Variants in LINGO4 observed in about 807,000 individuals in gnomAD.
LINGO4 encodes the protein leucine-rich repeat and immunoglobulin-like domain-containing nogo receptor-interacting protein 4.
A neutral mutation model predicts 27.9 loss-of-function variants in LINGO4; 22 were observed. The observed-to-expected ratio is 0.79, with a 90% CI of 0.56 to 1.13. The LOEUF (loss-of-function observed/expected upper bound fraction) is 1.13, where lower values mean the gene tolerates loss of function less well. Ranked by LOEUF, LINGO4 falls within the 50% of genes most tolerant of loss-of-function variation. LINGO4 has a pLI of 0.00. For missense variants in LINGO4, 706 were observed against 739.4 expected, an observed-to-expected ratio of 0.95 and a Z score of 0.52; for synonymous variants, 306 against 325.8, an observed-to-expected ratio of 0.94 and a Z score of 0.65.
chr1:151,804,963 C>G (rs1052823444), intron 1 of LINGO4, among the ~76,000 whole-genome samples: 3 of 152,180 alleles, frequency 2.0e-5, no homozygotes, highest in Non-Finnish European at 4.4e-5. Flanking sequence ...AAGATCCACA[C>G]CGATTGTGGA....
At position 151,802,208 on chromosome 1, in the gene LINGO4, T is replaced by C. The variant is rs376439152; in HGVS notation, c.497A>G (p.Asn166Ser). 1.7e-5 allele frequency: 27 copies of C among 1,613,956 alleles called. No individual in the cohort carries two copies. The African/African-American group carries it at 3.2e-4, about 19-fold the overall frequency. The change falls in exon 2 of 2, where the codon AAC (asparagine) becomes AGC (serine). Residue 166 changes from asparagine to serine, a missense_variant. Coordinates refer to ENST00000368820, the MANE Select transcript of LINGO4 (RefSeq NM_001004432.4). ...GSLQKLEVGD[N>S]HLVFVAPGAF... ...CCCCGGAGCCACAAATACCAGGTGG[T>C]TGTCCCCAACCTCCAGCTTCTGGAG...
Position 151,802,713 on chromosome 1 carries a change from C to T in LINGO4, c.-9G>A, listed in dbSNP as rs1651190349. Reference sequence around the variant, plus strand: ...GCTGTGGCTGCATCCATTCCCTCTTCAGTCCTGGAATAGATGATGACATGG... The same window carrying T: ...GCTGTGGCTGCATCCATTCCCTCTTTAGTCCTGGAATAGATGATGACATGG... On this transcript the variant is annotated 5_prime_UTR_variant, in exon 2 of 2. Coordinates refer to ENST00000368820, the MANE Select transcript of LINGO4 (RefSeq NM_001004432.4). 12 of 1,487,858 alleles carry T rather than the reference C, an allele frequency of 8.1e-6. No individual in the cohort carries two copies. Among genetic ancestry groups the T allele is most frequent in the Non-Finnish European group, 1.1e-5 (12 of 1,122,784 alleles). 92.2% of individuals were successfully genotyped at this position (1,487,858 alleles called of 1,614,324 possible).
Position 151,805,374 on chromosome 1 carries a change from CGCT to C in LINGO4, c.-161_-159del, listed in dbSNP as rs907574552. ...GCCTGGCTGCCCGGCTGCTGCCTGC[CGCT>C]GCTGCTGCTGCTGTTGCTGCTGCGG... is the stretch of plus-strand genomic sequence containing the variant. On this transcript the variant is annotated 5_prime_UTR_variant, in exon 1 of 2. Coordinates refer to ENST00000368820, the MANE Select transcript of LINGO4 (RefSeq NM_001004432.4). The C allele has an allele frequency of 1.6e-3, 317 of 193,398 alleles. No homozygotes were observed. The highest frequency in any genetic ancestry group is 3.9e-3 in the Middle Eastern group (3 of 772). The allele number at this position is 193,398 out of a possible 1,614,324, so 12.0% of individuals were successfully genotyped here.
At position 151,801,840 on chromosome 1, in the gene LINGO4, A is replaced by G. The variant is rs1287342363; in HGVS notation, c.865T>C (p.Ser289Pro). Reference protein sequence around the residue: ...RVLDLSQNPISAIPARRLSPL... With the variant: ...RVLDLSQNPIPAIPARRLSPL... ...CTGAGCCTTCGGGCTGGGATGGCTGAGATGGGATTCTGGGACAGATCCAGG... is the reference window on the plus strand; with the variant it reads ...CTGAGCCTTCGGGCTGGGATGGCTGGGATGGGATTCTGGGACAGATCCAGG... Residue 289 changes from serine to proline, a missense_variant, in exon 2 of 2, where the codon TCA becomes CCA. Transcript: ENST00000368820. The surrounding 1 kb of genome is among the most constrained non-coding windows in gnomAD (Gnocchi z 5.7). 2.5e-6 allele frequency: 4 copies of G among 1,614,202 alleles called. No homozygotes were observed. Among genetic ancestry groups the G allele is most frequent in the Non-Finnish European group, 3.4e-6 (4 of 1,180,032 alleles).
Position 151,802,048 on chromosome 1 carries a change from C to A in LINGO4, c.657G>T (p.Leu219=), listed in dbSNP as rs757851637. The A allele has an allele frequency of 3.1e-6, 5 of 1,614,036 alleles. No homozygotes were observed. Among genetic ancestry groups the A allele is most frequent in the Admixed American group, 1.7e-5 (1 of 60,018 alleles). The stretch of plus-strand genomic sequence containing the variant: ...CCAGCCCCCGCAGGGCCCCAGCTGG[C>A]AGCCTCCCAATATCCAGTTCTCTAA... ...LRLRELDIGR[L]PAGALRGLGQ... is the part of the protein sequence containing the mutation. The change falls in exon 2 of 2, where the codon CTG becomes CTT. Residue 219 remains leucine, a synonymous_variant. Coordinates refer to ENST00000368820, the MANE Select transcript of LINGO4 (RefSeq NM_001004432.4).
chr1:151,803,573 C>T (rs144581354), intron 1 of LINGO4, among the ~76,000 whole-genome samples: 2 of 152,372 alleles, frequency 1.3e-5, no homozygotes, highest in Non-Finnish European at 2.9e-5. Context: ...GGGCTTCCCT[C>T]ATATCCCTCC....
chr1:151,804,571 T>C (rs1651234764), intron 1 of LINGO4, among the ~76,000 whole-genome samples: 1 of 152,238 alleles, frequency 6.6e-6, no homozygotes, highest in South Asian at 2.1e-4. Flanking sequence ...CCCAGCTTTC[T>C]TCCTTCCTGC....
chr1:151,801,902 G>T lies in LINGO4; in HGVS notation c.803C>A (p.Pro268His). 6.2e-7 allele frequency: 1 copy of T among 1,614,228 alleles called. No homozygotes were observed. The highest frequency in any genetic ancestry group is 8.5e-7 in the Non-Finnish European group (1 of 1,180,034). The change falls in exon 2 of 2, where the codon CCC becomes CAC. Residue 268 changes from proline (P) to histidine (H), a missense_variant. Pro to His is a moderately conservative substitution (Grantham distance 77). Transcript: ENST00000368820. The surrounding 1 kb of genome is among the most constrained non-coding windows in gnomAD (Gnocchi z 5.7). ...AITRCNLSSV[P>H]FQALYHLSFL... ...GCTGAGGTGGTACAGTGCTTGGAAG[G>T]GCACCGAGCTCAGATTGCAGCGAGT...
In LINGO4 at chr1:151,801,555, C is replaced by A. The variant is rs756200696; in HGVS notation, c.1150G>T (p.Ala384Ser). The change falls in exon 2 of 2, where the codon GCC becomes TCC. Residue 384 changes from alanine to serine, a missense_variant. Ala to Ser is a moderately conservative substitution (Grantham distance 99). Coordinates refer to ENST00000368820, the MANE Select transcript of LINGO4 (RefSeq NM_001004432.4). This position sits in a 1 kb window ranked among gnomAD's most constrained non-coding sequence, Gnocchi z 5.7. ...TGGACATGATGGGGGCCAGCACAGG[C>A]AGGGGGGGACATGCCAAAGTCCAGG... ...RHLDFGMSPP[A>S]CAGPHHVQGK... 3 of 1,613,750 alleles carry A rather than the reference C, an allele frequency of 1.9e-6. No homozygotes were observed. Among genetic ancestry groups the A allele is most frequent in the Non-Finnish European group, 2.5e-6 (3 of 1,179,986 alleles).
Position 151,800,676 on chromosome 1 carries a change from A to G in LINGO4, c.*247T>C, listed in dbSNP as rs1521180. 1 allele frequency: 485,523 copies of G among 487,430 alleles called. 241,844 individuals are homozygous for G. The highest frequency in any genetic ancestry group is 1 in the East Asian group (31,097 of 31,098). 30.2% of individuals were successfully genotyped at this position (487,430 alleles called of 1,614,324 possible). A position where few individuals can be genotyped will look rare whatever the true frequency, so the allele number is the denominator to read the frequency against. On this transcript the variant is annotated 3_prime_UTR_variant, in exon 2 of 2. Coordinates refer to ENST00000368820, the MANE Select transcript of LINGO4 (RefSeq NM_001004432.4). Reference sequence around the variant, plus strand: ...GTTTTGTGTGTGGAGGGGGTGAAGCAGGGGCTGGACTAACGACGGGGTCTG... The same window carrying G: ...GTTTTGTGTGTGGAGGGGGTGAAGCGGGGGCTGGACTAACGACGGGGTCTG...
intron 1 of LINGO4, among the ~76,000 whole-genome samples, chr1:151,803,231 C>G (rs1272741388): frequency 6.6e-6 from 1 of 152,208 alleles, no homozygotes; most frequent in Admixed American, 6.5e-5. Flanking sequence ...AGTTCCCTGT[C>G]CTGACTGGAG....
chr1:151,801,102 C>A lies in LINGO4; in HGVS notation c.1603G>T (p.Val535Leu). 6.2e-7 allele frequency: 1 copy of A among 1,614,216 alleles called. No individual in the cohort carries two copies. Among genetic ancestry groups the A allele is most frequent in the Non-Finnish European group, 8.5e-7 (1 of 1,180,040 alleles). The change falls in exon 2 of 2, where the codon GTG becomes TTG. Residue 535 changes from valine (V) to leucine (L), a missense_variant. Val to Leu is a conservative substitution (Grantham distance 32). Coordinates refer to ENST00000368820, the MANE Select transcript of LINGO4 (RefSeq NM_001004432.4). This position sits in a 1 kb window ranked among gnomAD's most constrained non-coding sequence, Gnocchi z 5.7. ...FFLDSRGVAM[V>L]LAVGFLPFLT... ...AAGGGGAGGAAGCCGACTGCCAGCA[C>A]CATGGCCACACCTCTGCTATCCAGA...
chr1:151,803,838 G>A (rs191590210), intron 1 of LINGO4, among the ~76,000 whole-genome samples: 19 of 152,258 alleles, frequency 1.2e-4, no homozygotes, highest in East Asian at 1.2e-3. Flanking sequence ...ACCAGGTTCC[G>A]GGAACCCTCA....
In LINGO4 at chr1:151,802,070, C is replaced by G. The variant is rs1029039301; in HGVS notation, c.635G>C (p.Arg212Thr). 1.9e-6 allele frequency: 3 copies of G among 1,614,004 alleles called. No homozygotes were observed. Among genetic ancestry groups the G allele is most frequent in the Non-Finnish European group, 1.7e-6 (2 of 1,180,032 alleles). The part of the protein sequence containing the change: ...RLPALVALRL[R>T]ELDIGRLPAG... Reference sequence around the variant, plus strand: ...TGGCAGCCTCCCAATATCCAGTTCTCTAAGCCTTAGGGCCACTAGTGCCGG... The same window carrying G: ...TGGCAGCCTCCCAATATCCAGTTCTGTAAGCCTTAGGGCCACTAGTGCCGG... The change falls in exon 2 of 2, where the codon AGA (arginine) becomes ACA (threonine). Residue 212 changes from arginine to threonine, a missense_variant. Transcript: ENST00000368820.
Position 151,801,878 on chromosome 1 carries a change from C to A in LINGO4, c.827G>T (p.Ser276Ile), listed in dbSNP as rs376210931. The A allele has an allele frequency of 1.2e-6, 2 of 1,614,092 alleles. No individual in the cohort carries two copies. The highest frequency in any genetic ancestry group is 2.7e-5 in the African/African-American group (2 of 74,936). Residue 276 changes from serine (S) to isoleucine (I), a missense_variant, in exon 2 of 2, where the codon AGC becomes ATC. Physicochemically the swap from Ser to Ile is moderately radical, Grantham distance 142. Transcript: ENST00000368820. The surrounding 1 kb of genome is among the most constrained non-coding windows in gnomAD (Gnocchi z 5.7). Reference sequence around the variant, plus strand: ...GGACAGATCCAGGACCCTGAGGAAGCTGAGGTGGTACAGTGCTTGGAAGGG... The same window carrying A: ...GGACAGATCCAGGACCCTGAGGAAGATGAGGTGGTACAGTGCTTGGAAGGG... ...SVPFQALYHL[S>I]FLRVLDLSQN...
At chr1:151,802,985 C>T (rs528065495) in intron 1 of LINGO4, among the ~76,000 whole-genome samples, 31 of 152,174 alleles carry the variant, frequency 2.0e-4, no homozygotes, top group African/African-American at 7.2e-4. Flanking sequence ...CTAGCCAAGC[C>T]TGATTTCTGT....
At chr1:151,804,271 T>C (rs1261916441) in intron 1 of LINGO4, among the ~76,000 whole-genome samples, 1 of 152,106 alleles carries the variant, frequency 6.6e-6, no homozygotes, top group Non-Finnish European at 1.5e-5. Context: ...GTTGGGAAAC[T>C]AAAGAAAGAG....
chr1:151,804,380 A>G (rs1651230038), intron 1 of LINGO4, among the ~76,000 whole-genome samples: 1 of 152,186 alleles, frequency 6.6e-6, no homozygotes, highest in South Asian at 2.1e-4. Flanking sequence ...TCTCGCCCCA[A>G]ACTGACCTAA....
In LINGO4 at chr1:151,801,567, T is replaced by C. The variant is rs776443107; in HGVS notation, c.1138A>G (p.Met380Val). Residue 380 changes from methionine to valine, a missense_variant, in exon 2 of 2, where the codon ATG (methionine) becomes GTG (valine). Coordinates refer to ENST00000368820, the MANE Select transcript of LINGO4 (RefSeq NM_001004432.4). This position sits in a 1 kb window ranked among gnomAD's most constrained non-coding sequence, Gnocchi z 5.7. ...LRLRRHLDFG[M>V]SPPACAGPHH... ...GGGCCAGCACAGGCAGGGGGGGACA[T>C]GCCAAAGTCCAGGTGGCGGCGGAGC... The C allele has an allele frequency of 1.6e-5, 26 of 1,613,730 alleles. No homozygotes were observed. Among genetic ancestry groups the C allele is most frequent in the Non-Finnish European group, 2.0e-5 (24 of 1,179,996 alleles).
Sources: gnomAD v4.1 joint callset for allele counts (sites outside exome capture counted in the v4.1 genomes callset) on GRCh38, gnomAD v4.1.1 for gene constraint, Gnocchi (gnomAD v3.1) non-coding constraint, MANE v1.5 for transcripts, NCBI Gene and HGNC (gene_info 2026-07-23, HGNC 2026-07-21) for gene names.